The following ERCC3 variants were observed in gnomAD, a reference collection of about 807,000 sequenced individuals.
ERCC3 encodes ERCC excision repair 3, TFIIH core complex helicase subunit.
A neutral mutation model predicts 94.2 loss-of-function variants in ERCC3; 66 were observed. That is an observed-to-expected ratio of 0.70 (90% CI 0.57 to 0.86). The LOEUF (loss-of-function observed/expected upper bound fraction) is 0.86. ERCC3 is among the 40% of genes least tolerant of loss of function. ERCC3 has a pLI of 0.00. For missense variants in ERCC3, 829 were observed against 987.1 expected (o/e 0.84, Z 2.15); for synonymous variants, 349 against 369.1 (o/e 0.95, Z 0.63).
In ERCC3 at chr2:127,280,695, T is replaced by A. The variant is rs1345804828; in HGVS notation, c.1343-64A>T. 1.4e-6 allele frequency: 2 copies of A among 1,415,358 alleles called. No homozygotes were observed. The highest frequency in any genetic ancestry group is 1.9e-6 in the Non-Finnish European group (2 of 1,028,202). 87.7% of individuals were successfully genotyped at this position (1,415,358 alleles called of 1,614,324 possible). On this transcript the variant is annotated intron_variant, in intron 8 of 14. Transcript: ENST00000285398. This position sits in a 1 kb window ranked among gnomAD's most constrained non-coding sequence, Gnocchi z 6.3. ...TTTCTTATTTTTTATTTATTTATTTTAAAATATTTTTTGTAGAGATGGGGT... is the reference window on the plus strand; with the variant it reads ...TTTCTTATTTTTTATTTATTTATTTAAAAATATTTTTTGTAGAGATGGGGT...
intron 1 of ERCC3, 64 bp from the exon 2 acceptor site, chr2:127,293,782 G>A (rs1280002593): frequency 1.2e-6 from 2 of 1,602,578 alleles, no homozygotes; most frequent in Non-Finnish European, 1.7e-6. Flanking sequence ...CGCACCGCTT[G>A]GCAGCATTTC....
At chr2:127,289,282 C>CA (rs1685184872) in intron 6 of ERCC3, 55 bp downstream of exon 6, 1 of 1,510,342 alleles carries the variant, frequency 6.6e-7, no homozygotes, top group Admixed American at 1.7e-5. Flanking sequence ...CATGGCTGGA[C>CA]TAGCTTCTAA....
rs1418435831 is a variant in ERCC3, at chr2:127,293,632, GAA to G, written c.113_114del (p.Val38AlafsTer10). ...DAPGNDPQEA[V>X]PSAAGKQVDE... The stretch of plus-strand genomic sequence containing the variant: ...TCCACCTGCTTCCCCGCCGCCGAGG[GAA>G]CCGCTTCCTGAGGGTCGTTCCCCGG... On this transcript the variant is annotated frameshift_variant, in exon 2 of 15. Coordinates refer to ENST00000285398, the MANE Select transcript of ERCC3 (RefSeq NM_000122.2). LOFTEE classifies it high-confidence loss of function. 2 of 1,614,162 alleles carry G rather than the reference GAA, an allele frequency of 1.2e-6. No homozygotes were observed. The highest frequency in any genetic ancestry group is 4.5e-5 in the East Asian group (2 of 44,870).
Position 127,264,356 on chromosome 2 carries a change from C to G in ERCC3, c.1946-3010G>C, listed in dbSNP as rs1684287945. Among the ~76,000 whole-genome samples the G allele has an allele frequency of 6.6e-6, 1 of 152,084 alleles. No homozygotes were observed. Among genetic ancestry groups the G allele is most frequent in the Non-Finnish European group, 1.5e-5 (1 of 68,026 alleles). On this transcript the variant is annotated intron_variant, in intron 12 of 14. Coordinates refer to ENST00000285398, the MANE Select transcript of ERCC3 (RefSeq NM_000122.2). This position sits in a 1 kb window ranked among gnomAD's most constrained non-coding sequence, Gnocchi z 4.4. ...TGGTGCGTGCCTGTAGTCCCAGCTA[C>G]TTGGGAGGCTGAGGCAGGAGAATAG...
chr2:127,288,086 A>C (rs1263231612), intron 7 of ERCC3, among the ~76,000 whole-genome samples: 1 of 152,186 alleles, frequency 6.6e-6, no homozygotes, highest in Admixed American at 6.5e-5. Context: ...GTGGGGTCCC[A>C]AGGTGAGTCT....
intron 3 of ERCC3, 197 bp downstream of exon 3, chr2:127,292,408 GCGGCT>G: frequency 4.6e-6 from 3 of 647,946 alleles, no homozygotes; most frequent in South Asian, 3.3e-5. Flanking sequence ...CCAGAGTGTA[GCGGCT>G]CATGAGAAGC....
rs1684677343 is a variant in ERCC3, at chr2:127,274,651, T to C, written c.1731-1690A>G. Reference sequence around the variant, plus strand: ...GATCCAGAATGTCCCGGCCACCACATAATTTTATCATTTTCTATGCATGTC... The same window carrying C: ...GATCCAGAATGTCCCGGCCACCACACAATTTTATCATTTTCTATGCATGTC... On this transcript the variant is annotated intron_variant, in intron 10 of 14. Transcript: ENST00000285398. This position sits in a 1 kb window ranked among gnomAD's most constrained non-coding sequence, Gnocchi z 4.0. Among the ~76,000 whole-genome samples, 3 of 152,304 alleles carry C rather than the reference T, an allele frequency of 2.0e-5. No individual in the cohort carries two copies. Among genetic ancestry groups the C allele is most frequent in the Admixed American group, 1.3e-4 (2 of 15,304 alleles).
At chr2:127,292,874 A>G in intron 2 of ERCC3, 28 bp from the exon 3 acceptor site, 1 of 1,437,322 alleles carries the variant, frequency 7.0e-7, no homozygotes, top group Non-Finnish European at 9.8e-7. Context: ...GACAAAACAG[A>G]CAAGGAAACA....
chr2:127,284,876 C>A lies in ERCC3; in HGVS notation c.1342+1827G>T, dbSNP rs1301033636. Among the ~76,000 whole-genome samples the A allele has an allele frequency of 1.3e-5, 2 of 152,034 alleles. No individual in the cohort carries two copies. Among genetic ancestry groups the A allele is most frequent in the African/African-American group, 4.8e-5 (2 of 41,404 alleles). ...TTAAAAAAATTTTTTTTTGTAGAGA[C>A]ATGTCTCACTATGTTACCCAGGCTA... On this transcript the variant is annotated intron_variant, in intron 8 of 14. Transcript: ENST00000285398. This position sits in a 1 kb window ranked among gnomAD's most constrained non-coding sequence, Gnocchi z 4.1.
rs4150447 is a variant in ERCC3, at chr2:127,282,386, C to T, written c.1343-1755G>A. 3.2e-3 allele frequency among the ~76,000 whole-genome samples: 495 copies of T among 152,314 alleles called. 1 individual carries two copies. Among genetic ancestry groups the T allele is most frequent in the African/African-American group, 0.011 (462 of 41,562 alleles). ...TCCACTTTGTCTCCAGTGCCAAGTA[C>T]AGTGCCTAAACTTAGTAGGTTCTCA... On this transcript the variant is annotated intron_variant, in intron 8 of 14. Coordinates refer to ENST00000285398, the MANE Select transcript of ERCC3 (RefSeq NM_000122.2).
chr2:127,293,528 G>A lies in ERCC3; in HGVS notation c.219C>T (p.Ser73=). The change falls in exon 2 of 15, where the codon TCC becomes TCT. Residue 73 remains serine (S), a synonymous_variant. Coordinates refer to ENST00000285398, the MANE Select transcript of ERCC3 (RefSeq NM_000122.2). ...LQMPLKDDHT[S]RPLWVAPDGH... The stretch of plus-strand genomic sequence containing the variant: ...GCATGCTTACCACCCAGAGGGGCCT[G>A]GAGGTGTGGTCGTCCTTCAGCGGCA... The A allele has an allele frequency of 6.2e-7, 1 of 1,614,110 alleles. No individual in the cohort carries two copies. The highest frequency in any genetic ancestry group is 8.5e-7 in the Non-Finnish European group (1 of 1,179,998).
At position 127,290,337 on chromosome 2, in the gene ERCC3, G is replaced by A. The variant is rs995496017; in HGVS notation, c.472-64C>T. The A allele has an allele frequency of 3.1e-6, 4 of 1,298,132 alleles. No homozygotes were observed. In the Admixed American group the frequency reaches 5.0e-5, roughly 16 times the overall value. The allele number at this position is 1,298,132 out of a possible 1,614,324, so 80.4% of individuals were successfully genotyped here. On this transcript the variant is annotated intron_variant, in intron 3 of 14. Transcript: ENST00000285398. The stretch of plus-strand genomic sequence containing the variant: ...CTAACTCAGAACACATTCATTACTG[G>A]TCACATCTTACACCTACCAACCAAG...
Position 127,264,309 on chromosome 2 carries a change from C to CA in ERCC3, c.1946-2964dup, listed in dbSNP as rs1372982911. On this transcript the variant is annotated intron_variant, in intron 12 of 14. Coordinates refer to ENST00000285398, the MANE Select transcript of ERCC3 (RefSeq NM_000122.2). The surrounding 1 kb of genome is among the most constrained non-coding windows in gnomAD (Gnocchi z 4.4). ...CGAAACCCTGTCTCTACTAAAAATA[C>CA]AAAAAAATTAGCTGGGCATGGTGGT... 1.3e-5 allele frequency among the ~76,000 whole-genome samples: 2 copies of CA among 151,940 alleles called. No individual in the cohort carries two copies. Among genetic ancestry groups the CA allele is most frequent in the Non-Finnish European group, 2.9e-5 (2 of 67,980 alleles).
chr2:127,261,638 C>A, intron 12 of ERCC3: 1 of 400,576 alleles, frequency 2.5e-6, no homozygotes, highest in Non-Finnish European at 4.7e-6. Context: ...AACAACAAGA[C>A]AAATTAATTA....
chr2:127,282,561 C>A (rs1460675277), intron 8 of ERCC3, among the ~76,000 whole-genome samples: 1 of 152,184 alleles, frequency 6.6e-6, no homozygotes, highest in Non-Finnish European at 1.5e-5. Context: ...CAATCTTTAT[C>A]CTTTGAGATA....
In ERCC3 at chr2:127,289,459, G is replaced by A. The variant is rs980899348; in HGVS notation, c.700C>T (p.Arg234Ter). 22 of 1,612,708 alleles carry A rather than the reference G, an allele frequency of 1.4e-5. No homozygotes were observed. The highest frequency in any genetic ancestry group is 9.4e-5 in the African/African-American group (7 of 74,866). ...AESSGGPSTS[R>*]VTDPQGKSDI... ...GATTTACCCTGTGGATCTGTCACTCGGGAAGTGGAGGGCCCACCACTGCTT... is the reference window on the plus strand; with the variant it reads ...GATTTACCCTGTGGATCTGTCACTCAGGAAGTGGAGGGCCCACCACTGCTT... The change falls in exon 6 of 15, where the codon CGA becomes TGA. Residue 234 changes from arginine (R) to a stop codon, truncating the protein, a stop_gained. Coordinates refer to ENST00000285398, the MANE Select transcript of ERCC3 (RefSeq NM_000122.2). LOFTEE classifies it high-confidence loss of function.
rs1684130260 is a variant in ERCC3, at chr2:127,259,565, G to A, written c.2065-117C>T. 7.2e-6 allele frequency: 10 copies of A among 1,382,808 alleles called. No individual in the cohort carries two copies. The African/African-American group carries it at 1.3e-4, about 18-fold the overall frequency. The allele number at this position is 1,382,808 out of a possible 1,614,324, so 85.7% of individuals were successfully genotyped here. A position where few individuals can be genotyped will look rare whatever the true frequency, so the allele number is the denominator to read the frequency against. On this transcript the variant is annotated intron_variant, in intron 13 of 14. Coordinates refer to ENST00000285398, the MANE Select transcript of ERCC3 (RefSeq NM_000122.2). This position sits in a 1 kb window ranked among gnomAD's most constrained non-coding sequence, Gnocchi z 4.9. The stretch of plus-strand genomic sequence containing the variant: ...TCCCTCCCCAGGCCCAGCCACCCTG[G>A]TGGCCAACAATGGAGAGCTCCTCCC...
At chr2:127,281,015 A>G in intron 8 of ERCC3, 1 of 436,602 alleles carries the variant, frequency 2.3e-6, no homozygotes, top group East Asian at 3.3e-5. Flanking sequence ...GGGTGAAATG[A>G]GCTTAAGGAA....
intron 12 of ERCC3, among the ~76,000 whole-genome samples, chr2:127,269,097 A>T (rs2104744406): frequency 6.6e-6 from 1 of 152,344 alleles, no homozygotes; most frequent in South Asian, 2.1e-4. Context: ...TTTAAAACTT[A>T]TGAATTGTTT....
Sources: allele counts gnomAD v4.1 joint callset (sites outside exome capture counted in the v4.1 genomes callset), GRCh38; gene constraint gnomAD v4.1.1; non-coding constraint Gnocchi (gnomAD v3.1); transcripts MANE v1.5; gene names NCBI Gene and HGNC (gene_info 2026-07-23, HGNC 2026-07-21).